ITFG2: variants seen among roughly 807,000 people sequenced by gnomAD.
The protein encoded by ITFG2 is KICSTOR complex protein ITFG2.
Under a neutral mutation model 54.4 loss-of-function variants are expected in ITFG2, and 36 were observed. The ratio of observed to expected loss-of-function variants is 0.66; its 90% CI spans 0.51 to 0.87. The LOEUF is 0.87. Ranked by LOEUF, ITFG2 falls within the 40% of genes least tolerant of loss-of-function variation. ITFG2 has a pLI of 0.00. For synonymous variants in ITFG2, 211 were observed against 225.4 expected (o/e 0.94, Z 0.57); for missense variants, 524 against 576.7 (o/e 0.91, Z 0.94).
chr12:2,833,630 G>A (rs998484984), upstream of ITFG2, among the ~76,000 whole-genome samples: 1 of 152,094 alleles, frequency 6.6e-6, no homozygotes, highest in Non-Finnish European at 1.5e-5. Flanking sequence ...GAGGGGACAG[G>A]GAACCGAGTG....
intron 1 of ITFG2, among the ~76,000 whole-genome samples, chr12:2,813,423 T>G (rs899507033): frequency 2.0e-5 from 3 of 152,210 alleles, no homozygotes; most frequent in African/African-American, 7.2e-5. Flanking sequence ...AAATCTTTAC[T>G]GAACTGCTCA....
chr12:2,833,187 C>T (rs915175905), upstream of ITFG2, among the ~76,000 whole-genome samples: 2 of 151,866 alleles, frequency 1.3e-5, no homozygotes, highest in Non-Finnish European at 2.9e-5. Context: ...CATTAGAAGG[C>T]GGGACCTGCC....
At chr12:2,849,286 G>C (rs986911007) in intron 2 of ITFG2, 38 of 1,536,144 alleles carry the variant, frequency 2.5e-5, no homozygotes, top group Non-Finnish European at 3.2e-5. Context: ...GCTTGCTTGT[G>C]CCTTGGAGAG....
intron 2 of ITFG2, among the ~76,000 whole-genome samples, chr12:2,843,595 C>G (rs890972113): frequency 6.6e-6 from 1 of 151,716 alleles, no homozygotes; most frequent in Non-Finnish European, 1.5e-5. Flanking sequence ...GGTGGATCAC[C>G]TGAGGTCAGG....
intron 1 of ITFG2, among the ~76,000 whole-genome samples, chr12:2,816,634 TTC>T (rs2097922633): frequency 7.2e-6 from 1 of 139,784 alleles, no homozygotes; most frequent in Non-Finnish European, 1.5e-5. Flanking sequence ...TGGCCTTTTT[TTC>T]TTTTTTTTTT....
chr12:2,830,754 C>T, intron 2 of ITFG2: 1 of 1,613,928 alleles, frequency 6.2e-7, no homozygotes, highest in African/African-American at 1.3e-5. Flanking sequence ...GCTGGTCTTC[C>T]TCCTGCTCTC....
At chr12:2,832,976 C>G (rs1300498856), upstream of ITFG2, among the ~76,000 whole-genome samples, 1 of 151,938 alleles carries the variant, frequency 6.6e-6, no homozygotes, top group Admixed American at 6.6e-5. Flanking sequence ...CACTTCCCAT[C>G]TTCCACCTTC....
chr12:2,827,832 C>A, downstream of ITFG2: 4 of 1,605,162 alleles, frequency 2.5e-6, no homozygotes, highest in Non-Finnish European at 3.4e-6. The surrounding 1 kb of genome is among the most constrained non-coding windows in gnomAD (Gnocchi z 4.0). Flanking sequence ...CTGGGAACTC[C>A]TCGTGCTGCA....
rs769154114 is a variant in ITFG2 at position 2,854,914 on chromosome 12, G to A, written n.301-3098G>A. The A allele has an allele frequency of 7.2e-5, 111 of 1,534,976 alleles. 2 individuals carry two copies. The highest frequency in any genetic ancestry group is 3.2e-4 in the South Asian group (27 of 83,966). ...GTCTTACTTCTTGAAGCTCGCTGGC[G>A]GCTGGATGTTGCCCTGGGCATCGAG... On this transcript the variant is annotated intron_variant and non_coding_transcript_variant, in intron 2 of 3. Coordinates refer to the ITFG2 transcript ENST00000537710.
chr12:2,844,525 G>A (rs1357515103), intron 2 of ITFG2, among the ~76,000 whole-genome samples: 2 of 152,118 alleles, frequency 1.3e-5, no homozygotes, highest in African/African-American at 2.4e-5. Context: ...CTGCACTCCA[G>A]CCTGGACAGC....
rs560384235 is a variant in ITFG2 at position 2,843,091 on chromosome 12, T to C, written n.300+2096T>C. On this transcript the variant is annotated intron_variant and non_coding_transcript_variant, in intron 2 of 3. Transcript: ENST00000537710. ...CCTCTGGCCCAGTGAAATCACCCAG[T>C]CCAGTGCCCTGCCACATAAGGAAAT... Among the ~76,000 whole-genome samples the C allele has an allele frequency of 5.9e-5, 9 of 152,294 alleles. No individual in the cohort carries two copies. The East Asian group carries it at 1.7e-3, about 29-fold the overall frequency.
At chr12:2,828,542 A>G, downstream of ITFG2, 1 of 787,742 alleles carries the variant, frequency 1.3e-6, no homozygotes, top group Non-Finnish European at 2.1e-6. Flanking sequence ...CTGTCTTTAA[A>G]ACTGGCTTTT....
rs1388675800 is a variant in ITFG2, at chr12:2,817,433, G to A, written c.192+115G>A. On this transcript the variant is annotated intron_variant, in intron 2 of 11. Coordinates refer to ENST00000228799, the MANE Select transcript of ITFG2 (RefSeq NM_018463.4). ...CATGTGTCCTGACTCCCTAGCTACT[G>A]GGCCCAGCCACTGACTTGCAGCCAA... The A allele has an allele frequency of 5.8e-6, 4 of 685,140 alleles. No individual in the cohort carries two copies. The Admixed American group carries it at 8.4e-5, about 14-fold the overall frequency. The allele number at this position is 685,140 out of a possible 1,614,324, so 42.4% of individuals were successfully genotyped here. A position where few individuals can be genotyped will look rare whatever the true frequency, so the allele number is the denominator to read the frequency against.
chr12:2,834,476 C>T (rs7301350), upstream of ITFG2, among the ~76,000 whole-genome samples: 23,141 of 152,204 alleles, frequency 0.15, 1,898 homozygotes, highest in South Asian at 0.33. Flanking sequence ...TGGGAACATC[C>T]CCGGTGAAGA....
At chr12:2,848,432 A>G (rs552898906) in intron 2 of ITFG2, among the ~76,000 whole-genome samples, 1 of 152,308 alleles carries the variant, frequency 6.6e-6, no homozygotes, top group Admixed American at 6.5e-5. Flanking sequence ...CCTGATAGAA[A>G]AAGCTGAGGC....
At chr12:2,828,496 G>T (rs145701112), downstream of ITFG2, 5,303 of 1,038,998 alleles carry the variant, frequency 5.1e-3, 39 homozygotes, top group Middle Eastern at 0.019. Flanking sequence ...CCAGCCCATT[G>T]ATGATTCCCT....
chr12:2,817,759 G>C, intron 2 of ITFG2, 150 bp from the exon 3 acceptor site: 1 of 717,148 alleles, frequency 1.4e-6, no homozygotes, highest in South Asian at 2.0e-5. Flanking sequence ...CAGTAACGCC[G>C]TTAATAAAGA....
chr12:2,824,113 C>G lies in ITFG2; in HGVS notation c.1264C>G (p.Arg422Gly). The G allele has an allele frequency of 6.2e-7, 1 of 1,614,130 alleles. No homozygotes were observed. Among genetic ancestry groups the G allele is most frequent in the Non-Finnish European group, 8.5e-7 (1 of 1,180,040 alleles). ...AGATCCTGACGACCTCCCTGTGACT[C>G]GTGCCCTGCTTCACCAAACGCTCTA... ...GVDPDDLPVT[R>G]ALLHQTLYHP... The change falls in exon 12 of 12, where the codon CGT becomes GGT. Residue 422 changes from arginine (R) to glycine (G), a missense_variant. Transcript: ENST00000228799.
intron 2 of ITFG2, chr12:2,854,905 C>T (rs966929945): frequency 2.6e-6 from 4 of 1,533,992 alleles, no homozygotes; most frequent in Admixed American, 3.9e-5. Flanking sequence ...CTTCTTGAAG[C>T]TCGCTGGCGG....
Sources: gnomAD v4.1 joint callset for allele counts (sites outside exome capture counted in the v4.1 genomes callset) on GRCh38, gnomAD v4.1.1 for gene constraint, Gnocchi (gnomAD v3.1) non-coding constraint, MANE v1.5 for transcripts, NCBI Gene and HGNC (gene_info 2026-07-23, HGNC 2026-07-21) for gene names.